Variants in TENM2 observed in about 807,000 individuals in gnomAD.
The protein encoded by TENM2 is teneurin transmembrane protein 2.
A neutral mutation model predicts 245.2 loss-of-function variants in TENM2; 52 were observed. The ratio of observed to expected loss-of-function variants is 0.21; its 90% CI spans 0.17 to 0.27. The LOEUF (loss-of-function observed/expected upper bound fraction) is 0.27, where lower values mean the gene tolerates loss of function less well. Ranked by LOEUF, TENM2 falls within the 10% of genes least tolerant of loss-of-function variation. TENM2 has a pLI of 1.00. For synonymous variants in TENM2, 1,363 were observed against 1,438.9 expected (o/e 0.95, Z 1.19); for missense variants, 3,046 against 3,666.8 (o/e 0.83, Z 4.37).
At chr5:168,053,148 G>T (rs1047056013) in intron 6 of TENM2, among the ~76,000 whole-genome samples, 1 of 152,124 alleles carries the variant, frequency 6.6e-6, no homozygotes. Context: ...TTTACTGCAC[G>T]TCTACTGGCA....
chr5:167,721,368 G>A (rs923712548), intron 2 of TENM2: 5 of 152,026 alleles, frequency 3.3e-5, no homozygotes, highest in Admixed American at 2.0e-4. Flanking sequence ...ACCAACAGAC[G>A]CTTAAGCGAA....
chr5:167,895,844 A>G (rs1775172513), intron 3 of TENM2, among the ~76,000 whole-genome samples: 1 of 152,214 alleles, frequency 6.6e-6, no homozygotes, highest in Admixed American at 6.5e-5. Context: ...CAATTAGTTT[A>G]TACTGCCTTT....
chr5:167,195,820 T>C, the TENM2 span, among the ~76,000 whole-genome samples: 3 of 151,994 alleles, frequency 2.0e-5, no homozygotes, highest in Non-Finnish European at 4.4e-5. Flanking sequence ...GGGCTATTTA[T>C]GCTTTATTTT....
intron 2 of TENM2, among the ~76,000 whole-genome samples, chr5:167,726,027 C>T (rs1266419583): frequency 6.6e-6 from 1 of 152,194 alleles, no homozygotes; most frequent in African/African-American, 2.4e-5. Flanking sequence ...TATCACACCC[C>T]ATTGTTAGGA....
At chr5:167,362,477 A>G (rs1369805879) in intron 1 of TENM2, among the ~76,000 whole-genome samples, 1 of 152,218 alleles carries the variant, frequency 6.6e-6, no homozygotes, top group Non-Finnish European at 1.5e-5. Flanking sequence ...ACTGTGATCC[A>G]TCCATCTCAC....
chr5:168,023,737 A>G (rs1488577166), intron 5 of TENM2, among the ~76,000 whole-genome samples: 1 of 152,188 alleles, frequency 6.6e-6, no homozygotes, highest in Non-Finnish European at 1.5e-5. Context: ...TTTGCCCTTG[A>G]GCACACACTA....
At chr5:168,241,553 G>A (rs574297941) in intron 25 of TENM2, among the ~76,000 whole-genome samples, 34 of 151,326 alleles carry the variant, frequency 2.2e-4, no homozygotes, top group South Asian at 6.3e-4. Context: ...TGAGCCACAC[G>A]CACCTGGCCT....
chr5:167,444,294 C>T (rs1561960660), intron 2 of TENM2, among the ~76,000 whole-genome samples: 2 of 63,372 alleles, frequency 3.2e-5, no homozygotes, highest in African/African-American at 1.2e-4. Context: ...TGCACACATA[C>T]ACATACACAC....
At chr5:168,239,760 T>C (rs973096960) in intron 25 of TENM2, among the ~76,000 whole-genome samples, 2 of 152,336 alleles carry the variant, frequency 1.3e-5, no homozygotes, top group Admixed American at 1.3e-4. Context: ...TATAGTATAT[T>C]ATGCACACAT....
the TENM2 span, among the ~76,000 whole-genome samples, chr5:167,077,290 A>C: frequency 8.5e-5 from 13 of 152,350 alleles, no homozygotes; most frequent in Non-Finnish European, 1.3e-4. Flanking sequence ...AAAATGGAGA[A>C]AGGAACAGCT....
the TENM2 span, among the ~76,000 whole-genome samples, chr5:167,204,595 G>A: frequency 6.6e-6 from 1 of 152,208 alleles, no homozygotes; most frequent in East Asian, 1.9e-4. Flanking sequence ...TCCAGCGTCA[G>A]GCACCATATG....
chr5:167,157,838 A>T, the TENM2 span, among the ~76,000 whole-genome samples: 1 of 152,208 alleles, frequency 6.6e-6, no homozygotes, highest in African/African-American at 2.4e-5. Flanking sequence ...TACAATTTGG[A>T]GATATGAGAG....
the TENM2 span, among the ~76,000 whole-genome samples, chr5:167,010,151 G>A: frequency 1.3e-5 from 2 of 152,284 alleles, no homozygotes; most frequent in African/African-American, 2.4e-5. Flanking sequence ...GGAGGCCAAG[G>A]CGGGTGGATC....
chr5:167,029,474 T>C, the TENM2 span, among the ~76,000 whole-genome samples: 1 of 152,202 alleles, frequency 6.6e-6, no homozygotes, highest in South Asian at 2.1e-4. Context: ...CAGCTCAGCA[T>C]CTGTGCTGTG....
intron 12 of TENM2, among the ~76,000 whole-genome samples, chr5:168,135,377 T>C (rs947193469): frequency 1.3e-5 from 2 of 152,254 alleles, no homozygotes; most frequent in African/African-American, 4.8e-5. Context: ...CCCTCTTTTT[T>C]CATAGCATTC....
intron 1 of TENM2, among the ~76,000 whole-genome samples, chr5:167,344,708 AT>A (rs1758353421): frequency 6.6e-6 from 1 of 151,970 alleles, no homozygotes; most frequent in Non-Finnish European, 1.5e-5. Context: ...CTTCTTTCTG[AT>A]TCTTGGGATT....
At chr5:167,218,731 G>C in the TENM2 span, among the ~76,000 whole-genome samples, 1 of 152,176 alleles carries the variant, frequency 6.6e-6, no homozygotes, top group Non-Finnish European at 1.5e-5. Context: ...AAATGTGACA[G>C]TTGGGAAGAA....
intron 2 of TENM2, among the ~76,000 whole-genome samples, chr5:167,626,204 C>A (rs1966924): frequency 0.65 from 98,432 of 151,948 alleles, 32,238 homozygotes; most frequent in East Asian, 0.72. Context: ...ATATCCATAT[C>A]TTCCACAAAT....
At chr5:167,026,096 A>G in the TENM2 span, among the ~76,000 whole-genome samples, 1 of 152,200 alleles carries the variant, frequency 6.6e-6, no homozygotes, top group South Asian at 2.1e-4. Flanking sequence ...ATTTTAAGAT[A>G]CTTTACTTTT....
Sources: gnomAD v4.1 joint callset for allele counts (sites outside exome capture counted in the v4.1 genomes callset) on GRCh38, gnomAD v4.1.1 for gene constraint, MANE v1.5 for transcripts, NCBI Gene and HGNC (gene_info 2026-07-23, HGNC 2026-07-21) for gene names.